HLA-DRA: variants seen among roughly 807,000 people sequenced by gnomAD.
HLA-DRA encodes the protein major histocompatibility complex, class II, DR alpha, also known as HLA class II histocompatibility antigen, DR alpha chain.
In HLA-DRA, 8 loss-of-function variants were observed where a neutral mutation model predicts 22.1. The observed-to-expected ratio is 0.36, with a 90% CI of 0.21 to 0.65. The LOEUF (loss-of-function observed/expected upper bound fraction) is 0.65, where lower values mean the gene tolerates loss of function less well. Among genes scored for constraint, HLA-DRA ranks in the 30% least tolerant of loss-of-function variants. The pLI, the probability that HLA-DRA is intolerant of heterozygous loss-of-function variation, is 0.63. For synonymous variants in HLA-DRA, 101 were observed against 117.1 expected (o/e 0.86, Z 0.89); for missense variants, 248 against 321.3 (o/e 0.77, Z 1.74).
rs774535351 is a variant in HLA-DRA at position 32,443,478 on chromosome 6, C to CACTCAA, written c.610+13_610+18dup. On this transcript the variant is annotated intron_variant, in intron 3 of 4. Transcript: ENST00000395388. ...TCTCAAGCACTGGGGTATGGACCAA[C>CACTCAA]ACTCAATCTCCTTTATTTCAAGGTT... 3 of 1,606,670 alleles carry CACTCAA rather than the reference C, an allele frequency of 1.9e-6. No individual in the cohort carries two copies. Among genetic ancestry groups the CACTCAA allele is most frequent in the Non-Finnish European group, 2.6e-6 (3 of 1,174,670 alleles).
chr6:32,444,774 T>C lies in HLA-DRA; in HGVS notation c.*134T>C, dbSNP rs567006522. 64 of 152,810 alleles carry C rather than the reference T, an allele frequency of 4.2e-4. No homozygotes were observed. Among genetic ancestry groups the C allele is most frequent in the African/African-American group, 1.5e-3 (61 of 41,596 alleles). The allele number at this position is 152,810 out of a possible 1,614,324, so 9.5% of individuals were successfully genotyped here. A position where few individuals can be genotyped will look rare whatever the true frequency, so the allele number is the denominator to read the frequency against. ...AGTCATCTTCAGCATTTTCCAGCCC[T>C]ATAGCCACCCCAAGTGTGGATATGC... On this transcript the variant is annotated 3_prime_UTR_variant, in exon 5 of 5. Coordinates refer to ENST00000395388, the MANE Select transcript of HLA-DRA (RefSeq NM_019111.5).
At chr6:32,442,157 T>C (rs1311226775) in intron 1 of HLA-DRA, among the ~76,000 whole-genome samples, 1 of 152,200 alleles carries the variant, frequency 6.6e-6, no homozygotes, top group Non-Finnish European at 1.5e-5. Context: ...TCTCAGCTAG[T>C]AACATGGAGC....
At chr6:32,443,536 TCTAA>T (rs879014311) in intron 3 of HLA-DRA, 70 bp downstream of exon 3, 27 of 1,371,496 alleles carry the variant, frequency 2.0e-5, no homozygotes, top group Non-Finnish European at 2.4e-5. Flanking sequence ...AACTCGGTGT[TCTAA>T]CTGTTTCATA....
At chr6:32,443,609 A>T (rs1242217927) in intron 3 of HLA-DRA, 143 bp downstream of exon 3, 26 of 1,137,096 alleles carry the variant, frequency 2.3e-5, no homozygotes, top group Non-Finnish European at 3.0e-5. Flanking sequence ...TCCTTTTTTT[A>T]ATCTGTAATT....
chr6:32,443,710 T>G (rs1762761728), intron 3 of HLA-DRA, 46 bp from the exon 4 acceptor site: 1 of 1,483,344 alleles, frequency 6.7e-7, no homozygotes, highest in African/African-American at 1.4e-5. Context: ...TGAGTGTTAC[T>G]TCTTCCCACA....
chr6:32,442,825 A>C, intron 2 of HLA-DRA, 132 bp downstream of exon 2: 1 of 1,080,374 alleles, frequency 9.3e-7, no homozygotes, highest in Admixed American at 2.2e-5. Context: ...ACAAGCCCCA[A>C]ATTCTCATGC....
At chr6:32,441,803 A>C (rs1200684147) in intron 1 of HLA-DRA, among the ~76,000 whole-genome samples, 1 of 152,226 alleles carries the variant, frequency 6.6e-6, no homozygotes, top group Non-Finnish European at 1.5e-5. Flanking sequence ...AGTCTTGTTG[A>C]TATATTAAGA....
intron 1 of HLA-DRA, among the ~76,000 whole-genome samples, chr6:32,441,675 G>A (rs753249465): frequency 2.0e-5 from 3 of 152,148 alleles, no homozygotes; most frequent in Non-Finnish European, 2.9e-5. Flanking sequence ...GGACTATGAC[G>A]CTACAAGGTC....
chr6:32,443,173 T>C lies in HLA-DRA; in HGVS notation c.329-12T>C. The C allele has an allele frequency of 3.7e-6, 6 of 1,609,196 alleles. No individual in the cohort carries two copies. Among genetic ancestry groups the C allele is most frequent in the Non-Finnish European group, 4.2e-6 (5 of 1,176,676 alleles). ...TGGCTGATTTCTGTCATGTCTGTCA[T>C]GTGTCCCCCAGTACCTCCAGAGGTA... On this transcript the variant is annotated splice_polypyrimidine_tract_variant and intron_variant, in intron 2 of 4. Transcript: ENST00000395388.
chr6:32,441,781 A>T (rs960948092), intron 1 of HLA-DRA, among the ~76,000 whole-genome samples: 1 of 152,240 alleles, frequency 6.6e-6, no homozygotes, highest in Non-Finnish European at 1.5e-5. Context: ...AAATGTAAAC[A>T]GTGCTTGTTA....
chr6:32,443,778 C>T lies in HLA-DRA; in HGVS notation c.633C>T (p.Leu211=), dbSNP rs368601450. The change falls in exon 4 of 5, where the codon CTC becomes CTT. Residue 211 remains leucine (L), a synonymous_variant. Coordinates refer to ENST00000395388, the MANE Select transcript of HLA-DRA (RefSeq NM_019111.5). ...CAGAGTTTGATGCTCCAAGCCCTCT[C>T]CCAGAGACTACAGAGAACGTGGTGT... is the stretch of plus-strand genomic sequence containing the variant. ...KHWEFDAPSP[L]PETTENVVCA... is the part of the protein sequence containing the mutation. 6.2e-7 allele frequency: 1 copy of T among 1,605,026 alleles called. No individual in the cohort carries two copies. Among genetic ancestry groups the T allele is most frequent in the Admixed American group, 1.7e-5 (1 of 58,528 alleles).
chr6:32,440,870 C>G (rs1762572603), intron 1 of HLA-DRA, among the ~76,000 whole-genome samples: 1 of 152,154 alleles, frequency 6.6e-6, no homozygotes, highest in African/African-American at 2.4e-5. Flanking sequence ...AAAGTAATAA[C>G]CCAGCTCCCA....
At position 32,442,578 on chromosome 6, in the gene HLA-DRA, A is replaced by G. The variant is rs1250433057; in HGVS notation, c.213A>G (p.Glu71=). ...AGAAGGAGACGGTCTGGCGGCTTGA[A>G]GAATTTGGACGATTTGCCAGCTTTG... The part of the protein sequence containing the change: ...MAKKETVWRL[E]EFGRFASFEA... Residue 71 remains glutamate, a synonymous_variant, in exon 2 of 5, where the codon GAA becomes GAG. Coordinates refer to ENST00000395388, the MANE Select transcript of HLA-DRA (RefSeq NM_019111.5). 6.2e-7 allele frequency: 1 copy of G among 1,613,094 alleles called. No homozygotes were observed. Among genetic ancestry groups the G allele is most frequent in the Admixed American group, 1.7e-5 (1 of 60,030 alleles).
At chr6:32,444,191 T>A (rs1012603336) in intron 4 of HLA-DRA, among the ~76,000 whole-genome samples, 5 of 150,956 alleles carry the variant, frequency 3.3e-5, no homozygotes, top group Non-Finnish European at 5.9e-5. Context: ...CACATTAGAA[T>A]ACTGAGTCTA....
Position 32,443,448 on chromosome 6 carries a change from C to A in HLA-DRA, c.592C>A (p.Pro198Thr). The change falls in exon 3 of 5, where the codon CCT becomes ACT. Residue 198 changes from proline to threonine, a missense_variant. Transcript: ENST00000395388. ...CRVEHWGLDE[P>T]LLKHWEFDAP... is the part of the protein sequence containing the mutation. Reference sequence around the variant, plus strand: ...GGTGGAGCACTGGGGCTTGGATGAGCCTCTTCTCAAGCACTGGGGTATGGA... The same window carrying A: ...GGTGGAGCACTGGGGCTTGGATGAGACTCTTCTCAAGCACTGGGGTATGGA... 1 of 1,612,790 alleles carries A rather than the reference C, an allele frequency of 6.2e-7. No homozygotes were observed. The highest frequency in any genetic ancestry group is 8.5e-7 in the Non-Finnish European group (1 of 1,179,818).
Position 32,443,249 on chromosome 6 carries a change from C to T in HLA-DRA, c.393C>T (p.Ile131=). 7 of 1,612,940 alleles carry T rather than the reference C, an allele frequency of 4.3e-6. No homozygotes were observed. The highest frequency in any genetic ancestry group is 5.1e-6 in the Non-Finnish European group (6 of 1,179,912). Residue 131 remains isoleucine (I), a synonymous_variant, in exon 3 of 5, where the codon ATC becomes ATT. Transcript: ENST00000395388. The part of the protein sequence containing the change: ...PVELREPNVL[I]CFIDKFTPPV... ...AACTGAGAGAGCCCAACGTCCTCAT[C>T]TGTTTCATAGACAAGTTCACCCCAC...
intron 2 of HLA-DRA, 59 bp downstream of exon 2, chr6:32,442,752 T>C (rs973994254): frequency 1.3e-6 from 2 of 1,589,872 alleles, no homozygotes; most frequent in Non-Finnish European, 1.7e-6. Context: ...AAGTAGTTGC[T>C]TCAGCTCTTT....
intron 1 of HLA-DRA, 87 bp downstream of exon 1, chr6:32,440,119 A>G (rs1216605507): frequency 3.5e-6 from 4 of 1,147,996 alleles, no homozygotes; most frequent in Non-Finnish European, 5.3e-6. Context: ...TAATGTGTGG[A>G]GTGAAAGAAT....
rs762015003 is a variant in HLA-DRA, at chr6:32,442,440, C to A, written c.83-8C>A. 1.9e-6 allele frequency: 3 copies of A among 1,612,940 alleles called. No homozygotes were observed. Among genetic ancestry groups the A allele is most frequent in the Non-Finnish European group, 2.5e-6 (3 of 1,179,936 alleles). ...CCCAACTCTCTTTCTCCATTTCTTG[C>A]CTTTCAGAAGAACATGTGATCATCC... is the stretch of plus-strand genomic sequence containing the variant. On this transcript the variant is annotated splice_polypyrimidine_tract_variant and splice_region_variant and intron_variant, in intron 1 of 4. Coordinates refer to ENST00000395388, the MANE Select transcript of HLA-DRA (RefSeq NM_019111.5).
Sources: allele counts gnomAD v4.1 joint callset (sites outside exome capture counted in the v4.1 genomes callset), GRCh38; gene constraint gnomAD v4.1.1; transcripts MANE v1.5; gene names NCBI Gene and HGNC (gene_info 2026-07-23, HGNC 2026-07-21).